HS6ST2: variants seen among roughly 807,000 people sequenced by gnomAD.
The protein encoded by HS6ST2 is heparan sulfate 6-O-sulfotransferase 2.
In HS6ST2, 17 loss-of-function variants were observed where a neutral mutation model predicts 33.0. That is an observed-to-expected ratio of 0.52 (90% CI 0.35 to 0.77). The LOEUF (loss-of-function observed/expected upper bound fraction) is 0.77. HS6ST2 is among the 30% of genes least tolerant of loss of function. The pLI, the probability that HS6ST2 is intolerant of heterozygous loss-of-function variation, is 0.01. For missense variants in HS6ST2, 519 were observed against 551.7 expected (o/e 0.94, Z 0.59); for synonymous variants, 248 against 237.1 (o/e 1.05, Z -0.42).
At chrX:132,888,455 C>T (rs1306780233) in intron 2 of HS6ST2, among the ~76,000 whole-genome samples, 2 of 111,812 alleles carry the variant, frequency 1.8e-5, no homozygotes, top group Non-Finnish European at 3.8e-5. Flanking sequence ...CAGGTCCCTC[C>T]CACGACACGT....
chrX:132,839,400 A>C (rs2065686290), intron 2 of HS6ST2, among the ~76,000 whole-genome samples: 1 of 101,700 alleles, frequency 9.8e-6, no homozygotes, highest in Admixed American at 1.1e-4. Flanking sequence ...TTCTGCAGCA[A>C]CATGGATGTA....
intron 2 of HS6ST2, among the ~76,000 whole-genome samples, chrX:132,896,736 A>G (rs1225605030): frequency 8.9e-6 from 1 of 111,908 alleles, no homozygotes; most frequent in Non-Finnish European, 1.9e-5. Flanking sequence ...TAAAAATTAA[A>G]CAGTGGAAAC....
At chrX:132,760,676 G>A (rs2064797262) in intron 2 of HS6ST2, among the ~76,000 whole-genome samples, 1 of 111,493 alleles carries the variant, frequency 9.0e-6, no homozygotes, top group African/African-American at 3.3e-5. Context: ...CATGTGTGAA[G>A]AGAGAGAGGA....
chrX:132,676,510 G>A (rs2063924677), intron 3 of HS6ST2, among the ~76,000 whole-genome samples: 1 of 112,491 alleles, frequency 8.9e-6, no homozygotes, highest in Non-Finnish European at 1.9e-5. Flanking sequence ...TTGAAGAATT[G>A]TAAATCAGAA....
At chrX:132,899,243 C>A (rs529338985) in intron 2 of HS6ST2, among the ~76,000 whole-genome samples, 2 of 111,730 alleles carry the variant, frequency 1.8e-5, no homozygotes, top group South Asian at 3.7e-4. Context: ...AACATCCAAT[C>A]AAAAATTATC....
chrX:132,865,996 T>A (rs2065973893), intron 2 of HS6ST2, among the ~76,000 whole-genome samples: 1 of 112,076 alleles, frequency 8.9e-6, no homozygotes, highest in African/African-American at 3.3e-5. Context: ...AGATCCCATT[T>A]GTCAATTTTG....
intron 2 of HS6ST2, among the ~76,000 whole-genome samples, chrX:132,823,385 T>C (rs921232820): frequency 2.7e-5 from 3 of 110,873 alleles, no homozygotes; most frequent in Non-Finnish European, 5.7e-5. Flanking sequence ...GAGTAGTATA[T>C]GTTGTACCTA....
At chrX:132,811,471 T>C (rs1418588260) in intron 2 of HS6ST2, among the ~76,000 whole-genome samples, 2 of 107,881 alleles carry the variant, frequency 1.9e-5, no homozygotes, top group East Asian at 2.9e-4. Context: ...TGAAAGTCCA[T>C]ACTCCATTCC....
At chrX:132,901,402 A>G (rs1364363124) in intron 2 of HS6ST2, among the ~76,000 whole-genome samples, 1 of 111,929 alleles carries the variant, frequency 8.9e-6, no homozygotes, top group African/African-American at 3.2e-5. Context: ...ACCAGGAAAA[A>G]CACAAAATAA....
intron 3 of HS6ST2, among the ~76,000 whole-genome samples, chrX:132,691,416 GGCATTATAGGA>G (rs1249418794): frequency 8.9e-6 from 1 of 111,764 alleles, no homozygotes; most frequent in Admixed American, 9.5e-5. Flanking sequence ...GTTGTCCCTA[GGCATTATAGGA>G]GCAAAGCAGG....
intron 2 of HS6ST2, among the ~76,000 whole-genome samples, chrX:132,750,077 A>G (rs2064686488): frequency 1.8e-5 from 2 of 110,491 alleles, no homozygotes; most frequent in African/African-American, 6.6e-5. Flanking sequence ...CACACCCCCC[A>G]GCTTCCTTCT....
intron 2 of HS6ST2, among the ~76,000 whole-genome samples, chrX:132,838,967 A>G (rs1313111053): frequency 1.5e-5 from 1 of 65,405 alleles, no homozygotes; most frequent in Non-Finnish European, 2.8e-5. Context: ...AAAAAGTCGG[A>G]AAAAAAAAAA....
At chrX:132,778,793 G>A (rs1415925745) in intron 2 of HS6ST2, among the ~76,000 whole-genome samples, 6 of 111,559 alleles carry the variant, frequency 5.4e-5, no homozygotes, top group Non-Finnish European at 1.1e-4. Context: ...AAAGGAGTTG[G>A]AATTGGCCTT....
At chrX:132,794,225 G>A (rs2065149554) in intron 2 of HS6ST2, among the ~76,000 whole-genome samples, 1 of 111,715 alleles carries the variant, frequency 9.0e-6, no homozygotes, top group Non-Finnish European at 1.9e-5. Context: ...TTCTGCTCTG[G>A]AAATGTGCTT....
chrX:132,733,727 G>C (rs1281235014), intron 2 of HS6ST2, among the ~76,000 whole-genome samples: 1 of 111,009 alleles, frequency 9.0e-6, no homozygotes, highest in Non-Finnish European at 1.9e-5. Context: ...GTCTAGAAGA[G>C]TGTTAGCAGT....
intron 2 of HS6ST2, among the ~76,000 whole-genome samples, chrX:132,854,940 A>G (rs1223066968): frequency 8.9e-6 from 1 of 112,370 alleles, no homozygotes; most frequent in Admixed American, 9.4e-5. Flanking sequence ...TGGCCTTTTG[A>G]TAATTTCCAA....
At chrX:132,920,811 G>A (rs1211209381) in intron 2 of HS6ST2, among the ~76,000 whole-genome samples, 3 of 112,401 alleles carry the variant, frequency 2.7e-5, no homozygotes, top group Non-Finnish European at 5.6e-5. Context: ...ATCTGCATGG[G>A]TTGGTCCCTA....
chrX:132,857,912 ATTCCAAGACAGTGCACGGC>A (rs1474227445), intron 2 of HS6ST2, among the ~76,000 whole-genome samples: 1 of 112,218 alleles, frequency 8.9e-6, no homozygotes, highest in Non-Finnish European at 1.9e-5. Flanking sequence ...CTTGTGAGGA[ATTCCAAGACAGTGCACGGC>A]ATGGCACCTA....
intron 2 of HS6ST2, among the ~76,000 whole-genome samples, chrX:132,860,003 A>G (rs959444341): frequency 9.0e-6 from 1 of 111,426 alleles, no homozygotes; most frequent in East Asian, 2.9e-4. Flanking sequence ...GTCAGAGTTC[A>G]CTAATGAATG....
Sources: gnomAD v4.1 joint callset for allele counts (sites outside exome capture counted in the v4.1 genomes callset) on GRCh38, gnomAD v4.1.1 for gene constraint, MANE v1.5 for transcripts, NCBI Gene and HGNC (gene_info 2026-07-23, HGNC 2026-07-21) for gene names.